Variants in ZNF615 observed in about 807,000 individuals in gnomAD.
The protein encoded by ZNF615 is zinc finger protein 615.
In ZNF615, 15 loss-of-function variants were observed where a neutral mutation model predicts 15.3. The observed-to-expected ratio is 0.98, with a 90% CI of 0.66 to 1.51. The LOEUF is 1.51. Among genes scored for constraint, ZNF615 ranks in the 40% most tolerant of loss-of-function variants. ZNF615 has a pLI of 0.00. For missense variants in ZNF615, 848 were observed against 895.9 expected (o/e 0.95, Z 0.68); for synonymous variants, 268 against 294.6 (o/e 0.91, Z 0.92).
rs2086779868 is a variant in ZNF615 at position 52,007,286 on chromosome 19, A to G, written c.-190+7T>C. ...GACAAAGGTTATCTTTGAGTAACCG[A>G]GCTTACCATGGCAGAGATGTTATCT... On this transcript the variant is annotated splice_region_variant and intron_variant, in intron 2 of 6. Coordinates refer to ENST00000598071, the MANE Select transcript of ZNF615 (RefSeq NM_001199324.2). 1 of 1,288,406 alleles carries G rather than the reference A, an allele frequency of 7.8e-7. No individual in the cohort carries two copies. The highest frequency in any genetic ancestry group is 1.0e-6 in the Non-Finnish European group (1 of 987,718). The allele number at this position is 1,288,406 out of a possible 1,614,324, so 79.8% of individuals were successfully genotyped here.
chr19:51,993,020 C>T lies in ZNF615; in HGVS notation c.2089G>A (p.Gly697Arg), dbSNP rs185835109. The change falls in exon 7 of 7, where the codon GGG becomes AGG. Residue 697 changes from glycine to arginine, a missense_variant. Coordinates refer to ENST00000598071, the MANE Select transcript of ZNF615 (RefSeq NM_001199324.2). The part of the protein sequence containing the change: ...GEKPYKCSDC[G>R]KAFTTKSGLN... ...CCTGATTTTGTAGTGAAGGCTTTCC[C>T]GCAGTCACTGCATTTGTACGGTTTC... The T allele has an allele frequency of 2.0e-5, 32 of 1,614,156 alleles. No individual in the cohort carries two copies. The highest frequency in any genetic ancestry group is 1.2e-4 in the Admixed American group (7 of 60,018).
At chr19:52,001,957 C>T (rs781703622) in intron 4 of ZNF615, 49 bp from the exon 5 acceptor site, 1 of 1,606,522 alleles carries the variant, frequency 6.2e-7, no homozygotes, top group South Asian at 1.1e-5. Flanking sequence ...ACGGGGCTGG[C>T]AATATTGAAA....
At chr19:52,001,186 AT>A (rs1182003027) in intron 5 of ZNF615, among the ~76,000 whole-genome samples, 6 of 152,232 alleles carry the variant, frequency 3.9e-5, no homozygotes, top group African/African-American at 1.4e-4. Flanking sequence ...GGAAAATGGA[AT>A]TTCATAGCAA....
Position 52,003,713 on chromosome 19 carries a change from GTC to G in ZNF615, c.-4_-3del, listed in dbSNP as rs1263939002. ...AAAAGTCACCTGGGCCTGCATCATT[GTC>G]TCCTAAATTTGGGAAATGACTGCTA... On this transcript the variant is annotated 5_prime_UTR_variant, in exon 3 of 7. Transcript: ENST00000598071. 6.2e-7 allele frequency: 1 copy of G among 1,612,426 alleles called. No individual in the cohort carries two copies. Among genetic ancestry groups the G allele is most frequent in the East Asian group, 2.2e-5 (1 of 44,830 alleles).
rs376586709 is a variant in ZNF615 at position 51,993,782 on chromosome 19, C to T, written c.1327G>A (p.Glu443Lys). 10 of 1,614,034 alleles carry T rather than the reference C, an allele frequency of 6.2e-6. No individual in the cohort carries two copies. Among genetic ancestry groups the T allele is most frequent in the African/African-American group, 5.3e-5 (4 of 74,920 alleles). ...HTGEKPYKCN[E>K]CGKGFALKSP... is the part of the protein sequence containing the mutation. ...TTCAAAGCGAAGCCCTTTCCACACT[C>T]ATTGCATTTATAAGGTTTCTCTCCA... Residue 443 changes from glutamate to lysine, a missense_variant, in exon 7 of 7, where the codon GAG (glutamate) becomes AAG (lysine). By Grantham distance (56) the Glu-to-Lys change is moderately conservative. Transcript: ENST00000598071.
At chr19:51,999,545 C>T (rs2086532785) in intron 6 of ZNF615, among the ~76,000 whole-genome samples, 2 of 152,172 alleles carry the variant, frequency 1.3e-5, no homozygotes, top group African/African-American at 2.4e-5. Flanking sequence ...GGTATGGTTA[C>T]ACAACTAGGT....
In ZNF615 at chr19:51,993,404, G is replaced by A. The variant is rs773932055; in HGVS notation, c.1705C>T (p.His569Tyr). 2 of 1,614,098 alleles carry A rather than the reference G, an allele frequency of 1.2e-6. No homozygotes were observed. Among genetic ancestry groups the A allele is most frequent in the South Asian group, 2.2e-5 (2 of 91,074 alleles). The change falls in exon 7 of 7, where the codon CAT (histidine) becomes TAT (tyrosine). Residue 569 changes from histidine to tyrosine, a missense_variant. Transcript: ENST00000598071. Reference sequence around the variant, plus strand: ...TTCTCTCCTGTATGAGTGCGCCGATGTACATTGAGATGACTCTTCTCAGTG... The same window carrying A: ...TTCTCTCCTGTATGAGTGCGCCGATATACATTGAGATGACTCTTCTCAGTG... ...GFTEKSHLNV[H>Y]RRTHTGEKPY...
intron 6 of ZNF615, 48 bp downstream of exon 6, chr19:52,000,298 A>T (rs920085859): frequency 1.7e-6 from 1 of 584,212 alleles, no homozygotes; most frequent in Non-Finnish European, 3.1e-6. Context: ...GACAGGATTG[A>T]GCTTCTAGTG....
intron 6 of ZNF615, among the ~76,000 whole-genome samples, chr19:51,998,682 G>C (rs902690530): frequency 3.3e-5 from 5 of 152,226 alleles, no homozygotes; most frequent in African/African-American, 2.4e-5. Context: ...GGTGGAGGCA[G>C]GGGGGTTTGT....
intron 2 of ZNF615, 91 bp downstream of exon 2, chr19:52,007,202 G>C (rs1052201939): frequency 3.3e-5 from 22 of 669,086 alleles, no homozygotes; most frequent in Non-Finnish European, 4.8e-5. Context: ...TAATTTATCT[G>C]AATTATGAAT....
At chr19:51,999,261 T>A (rs1293922586) in intron 6 of ZNF615, among the ~76,000 whole-genome samples, 1 of 152,144 alleles carries the variant, frequency 6.6e-6, no homozygotes, top group Non-Finnish European at 1.5e-5. Flanking sequence ...GAATACTTAA[T>A]ATGATGAAAA....
At position 51,993,908 on chromosome 19, in the gene ZNF615, G is replaced by A. The variant is rs1568496539; in HGVS notation, c.1201C>T (p.His401Tyr). The change falls in exon 7 of 7, where the codon CAT (histidine) becomes TAT (tyrosine). Residue 401 changes from histidine (H) to tyrosine (Y), a missense_variant. By Grantham distance (83) the His-to-Tyr change is moderately conservative. Coordinates refer to ENST00000598071, the MANE Select transcript of ZNF615 (RefSeq NM_001199324.2). ...GFTLKNSLIT[H>Y]QQTHTGEKLY... Reference sequence around the variant, plus strand: ...TTCTCTCCTGTATGAGTTTGCTGATGTGTGATAAGACTGTTCTTCAAGGTG... The same window carrying A: ...TTCTCTCCTGTATGAGTTTGCTGATATGTGATAAGACTGTTCTTCAAGGTG... The A allele has an allele frequency of 1.9e-6, 3 of 1,614,032 alleles. No homozygotes were observed. Among genetic ancestry groups the A allele is most frequent in the Non-Finnish European group, 2.5e-6 (3 of 1,180,028 alleles).
chr19:51,993,612 A>G lies in ZNF615; in HGVS notation c.1497T>C (p.Asp499=). 1 of 1,607,916 alleles carries G rather than the reference A, an allele frequency of 6.2e-7. No homozygotes were observed. The highest frequency in any genetic ancestry group is 1.4e-5 in the African/African-American group (1 of 72,968). Residue 499 remains aspartate, a synonymous_variant, in exon 7 of 7, where the codon GAT becomes GAC. Coordinates refer to ENST00000598071, the MANE Select transcript of ZNF615 (RefSeq NM_001199324.2). ...TCTTCACAGTGAAGCCTTTTCCACA[A>G]TCATTGCATATATATGGCTTCTCTG... is the stretch of plus-strand genomic sequence containing the variant. ...HTAEKPYICN[D]CGKGFTVKSR... is the part of the protein sequence containing the mutation.
intron 5 of ZNF615, 130 bp from the exon 6 acceptor site, chr19:52,000,508 T>C (rs1450319997): frequency 4.5e-6 from 2 of 444,602 alleles, no homozygotes; most frequent in Non-Finnish European, 7.8e-6. Context: ...TACAGGCTAG[T>C]TGTCATGAAG....
Position 51,993,965 on chromosome 19 carries a change from G to C in ZNF615, c.1144C>G (p.Pro382Ala). The C allele has an allele frequency of 6.2e-7, 1 of 1,612,192 alleles. No homozygotes were observed. Among genetic ancestry groups the C allele is most frequent in the South Asian group, 1.1e-5 (1 of 90,762 alleles). The change falls in exon 7 of 7, where the codon CCC (proline) becomes GCC (alanine). Residue 382 changes from proline to alanine, a missense_variant. Pro to Ala is a conservative substitution (Grantham distance 27). Coordinates refer to ENST00000598071, the MANE Select transcript of ZNF615 (RefSeq NM_001199324.2). ...AHHRTHTGEK[P>A]FICNKCGKGF... ...TTCCCACATTTATTGCATATAAAGG[G>C]TTTCTCACCAGTATGAGTTCGATGA...
chr19:52,006,447 A>T (rs2086754576), intron 2 of ZNF615, among the ~76,000 whole-genome samples: 1 of 152,214 alleles, frequency 6.6e-6, no homozygotes, highest in Non-Finnish European at 1.5e-5. Flanking sequence ...TCAGGGCTGA[A>T]AATCCACTTT....
chr19:52,002,459 T>A, intron 3 of ZNF615, 178 bp from the exon 4 acceptor site: 1 of 871,900 alleles, frequency 1.1e-6, no homozygotes, highest in Non-Finnish European at 1.9e-6. Context: ...GGTCATCCAT[T>A]CATTCAACAA....
intron 3 of ZNF615, 157 bp from the exon 4 acceptor site, chr19:52,002,438 T>A: frequency 1.9e-6 from 2 of 1,072,610 alleles, no homozygotes; most frequent in Non-Finnish European, 2.8e-6. Context: ...TAAAATATTC[T>A]GTAACTGTGC....
In ZNF615 at chr19:51,993,036, G is replaced by A; in HGVS notation, c.2073C>T (p.Tyr691=). The change falls in exon 7 of 7, where the codon TAC becomes TAT. Residue 691 remains tyrosine (Y), a synonymous_variant. Transcript: ENST00000598071. ...AGGCTTTCCCGCAGTCACTGCATTT[G>A]TACGGTTTCTCTCCTGTGTGAATTC... is the stretch of plus-strand genomic sequence containing the variant. ...HQRIHTGEKP[Y]KCSDCGKAFT... The A allele has an allele frequency of 6.2e-7, 1 of 1,614,176 alleles. No individual in the cohort carries two copies. The highest frequency in any genetic ancestry group is 8.5e-7 in the Non-Finnish European group (1 of 1,180,020).
Sources: allele counts gnomAD v4.1 joint callset (sites outside exome capture counted in the v4.1 genomes callset), GRCh38; gene constraint gnomAD v4.1.1; transcripts MANE v1.5; gene names NCBI Gene and HGNC (gene_info 2026-07-23, HGNC 2026-07-21).